PRKCE: variants seen among roughly 807,000 people sequenced by gnomAD.
PRKCE encodes protein kinase C epsilon type.
In PRKCE, 16 loss-of-function variants were observed where a neutral mutation model predicts 85.4. The observed-to-expected ratio is 0.19, with a 90% CI of 0.13 to 0.28. PRKCE has a LOEUF of 0.28. PRKCE is among the 10% of genes least tolerant of loss of function. The pLI, the probability that PRKCE is intolerant of heterozygous loss-of-function variation, is 1.00. For synonymous variants in PRKCE, 388 were observed against 371.5 expected (o/e 1.04, Z -0.51); for missense variants, 573 against 975.2 (o/e 0.59, Z 5.49).
At position 46,004,577 on chromosome 2, in the gene PRKCE, T is replaced by G; in HGVS notation, c.1002T>G (p.Ser334=). ...GTGCCGAGTCCCCGCAGCCTGCTTC[T>G]GGAAGCTCACCATCTGAGGAAGATC... is the stretch of plus-strand genomic sequence containing the variant. The part of the protein sequence containing the change: ...IAGAESPQPA[S]GSSPSEEDRS... Residue 334 remains serine, a synonymous_variant, in exon 8 of 15, where the codon TCT becomes TCG. Coordinates refer to ENST00000306156, the MANE Select transcript of PRKCE (RefSeq NM_005400.3). The surrounding 1 kb of genome is among the most constrained non-coding windows in gnomAD (Gnocchi z 4.1). The G allele has an allele frequency of 6.3e-7, 1 of 1,591,650 alleles. No homozygotes were observed.
At chr2:45,836,812 T>G (rs1434401561) in intron 1 of PRKCE, among the ~76,000 whole-genome samples, 5 of 152,244 alleles carry the variant, frequency 3.3e-5, no homozygotes, top group African/African-American at 1.2e-4. Flanking sequence ...ACAAGGGCAG[T>G]GCAAGCCTTC....
chr2:45,735,339 G>A (rs187891881), intron 1 of PRKCE, among the ~76,000 whole-genome samples: 1 of 152,306 alleles, frequency 6.6e-6, no homozygotes, highest in African/African-American at 2.4e-5. Context: ...AATATATCTC[G>A]GAACTGTTTA....
chr2:45,707,633 A>G (rs1255031207), intron 1 of PRKCE, among the ~76,000 whole-genome samples: 3 of 152,210 alleles, frequency 2.0e-5, no homozygotes, highest in African/African-American at 4.8e-5. Flanking sequence ...TTTCCTTCAA[A>G]TATTTTCCCC....
At chr2:45,797,334 G>T (rs895511171) in intron 1 of PRKCE, among the ~76,000 whole-genome samples, 1 of 152,152 alleles carries the variant, frequency 6.6e-6, no homozygotes, top group Admixed American at 6.5e-5. Flanking sequence ...GCATGTCCTT[G>T]TCCTTACTAG....
chr2:45,740,428 G>T (rs1682457618), intron 1 of PRKCE, among the ~76,000 whole-genome samples: 1 of 151,990 alleles, frequency 6.6e-6, no homozygotes, highest in Non-Finnish European at 1.5e-5. Flanking sequence ...GAAGGGGAGA[G>T]GAAAAGTCTG....
chr2:45,684,783 G>A (rs1279686162), intron 1 of PRKCE, among the ~76,000 whole-genome samples: 2 of 152,220 alleles, frequency 1.3e-5, no homozygotes, highest in Non-Finnish European at 2.9e-5. Flanking sequence ...ACGTGTGTAA[G>A]GGGTAGTGTG....
At chr2:45,925,193 A>T (rs1698519879) in intron 2 of PRKCE, among the ~76,000 whole-genome samples, 1 of 152,214 alleles carries the variant, frequency 6.6e-6, no homozygotes. Flanking sequence ...CAAGACTCGT[A>T]CTAAGGGAGA....
At chr2:45,694,243 C>T (rs937088145) in intron 1 of PRKCE, among the ~76,000 whole-genome samples, 5 of 151,240 alleles carry the variant, frequency 3.3e-5, no homozygotes, top group East Asian at 1.9e-4. Context: ...ATCTAGGAAA[C>T]GACAGTAGGA....
Position 46,001,338 on chromosome 2 carries a change from C to A in PRKCE, c.824-66C>A. ...ACTTCATGAACATATAATACAATCTCAAAGAAAAGAAGCAACATCTTAGGC... is the reference window on the plus strand; with the variant it reads ...ACTTCATGAACATATAATACAATCTAAAAGAAAAGAAGCAACATCTTAGGC... On this transcript the variant is annotated intron_variant, in intron 6 of 14. Transcript: ENST00000306156. This position sits in a 1 kb window ranked among gnomAD's most constrained non-coding sequence, Gnocchi z 4.4. 2 of 1,477,322 alleles carry A rather than the reference C, an allele frequency of 1.4e-6. No individual in the cohort carries two copies. Among genetic ancestry groups the A allele is most frequent in the South Asian group, 1.3e-5 (1 of 77,076 alleles). The allele number at this position is 1,477,322 out of a possible 1,614,324, so 91.5% of individuals were successfully genotyped here.
At chr2:45,942,178 T>TA (rs1412208083) in intron 2 of PRKCE, among the ~76,000 whole-genome samples, 1 of 152,244 alleles carries the variant, frequency 6.6e-6, no homozygotes, top group East Asian at 1.9e-4. Flanking sequence ...GCAGTTGCTA[T>TA]AAGACATTGA....
intron 2 of PRKCE, among the ~76,000 whole-genome samples, chr2:45,950,828 G>GGAGT (rs1700569233): frequency 6.6e-6 from 1 of 152,094 alleles, no homozygotes; most frequent in Admixed American, 6.6e-5. Flanking sequence ...TGGACAAGAG[G>GGAGT]GAGTACTGGT....
chr2:46,099,687 A>G (rs1439968360), intron 11 of PRKCE, among the ~76,000 whole-genome samples: 1 of 152,168 alleles, frequency 6.6e-6, no homozygotes, highest in East Asian at 1.9e-4. Context: ...CTGACCCTAC[A>G]GAGTTTCCAT....
At chr2:45,879,421 G>C (rs1694716351) in intron 2 of PRKCE, among the ~76,000 whole-genome samples, 1 of 152,130 alleles carries the variant, frequency 6.6e-6, no homozygotes, top group African/African-American at 2.4e-5. Flanking sequence ...CTGGACAAGA[G>C]CTCAGGATAC....
At chr2:45,834,315 G>A (rs1263028194) in intron 1 of PRKCE, among the ~76,000 whole-genome samples, 1 of 152,230 alleles carries the variant, frequency 6.6e-6, no homozygotes, top group Non-Finnish European at 1.5e-5. Context: ...GGCAACTGAA[G>A]CAAGCTGTAG....
intron 14 of PRKCE, among the ~76,000 whole-genome samples, chr2:46,163,638 C>A (rs1317005338): frequency 7.5e-6 from 1 of 133,368 alleles, no homozygotes; most frequent in East Asian, 2.4e-4. Context: ...ACAGAGGCCA[C>A]TGAGAGACAC....
At chr2:45,782,636 C>T (rs114832237) in intron 1 of PRKCE, among the ~76,000 whole-genome samples, 290 of 152,272 alleles carry the variant, frequency 1.9e-3, no homozygotes, top group African/African-American at 6.8e-3. Flanking sequence ...GTTTGACCCT[C>T]AGATTTGGGA....
chr2:45,919,056 C>T (rs983473135), intron 2 of PRKCE, among the ~76,000 whole-genome samples: 12 of 152,076 alleles, frequency 7.9e-5, no homozygotes, highest in Non-Finnish European at 1.3e-4. Flanking sequence ...GGCCAGCCCA[C>T]GTGGGCTGGA....
chr2:45,811,132 C>A (rs1280672770), intron 1 of PRKCE, among the ~76,000 whole-genome samples: 2 of 152,176 alleles, frequency 1.3e-5, no homozygotes, highest in African/African-American at 2.4e-5. Flanking sequence ...TTATAAAATT[C>A]TGTTGTACAG....
chr2:45,951,150 A>T (rs1700593999), intron 2 of PRKCE, among the ~76,000 whole-genome samples: 1 of 152,162 alleles, frequency 6.6e-6, no homozygotes, highest in East Asian at 1.9e-4. Flanking sequence ...TTTCCTGGGG[A>T]GTTGATTAAA....
Sources: allele counts gnomAD v4.1 joint callset (sites outside exome capture counted in the v4.1 genomes callset), GRCh38; gene constraint gnomAD v4.1.1; non-coding constraint Gnocchi (gnomAD v3.1); transcripts MANE v1.5; gene names NCBI Gene and HGNC (gene_info 2026-07-23, HGNC 2026-07-21).